DOP1A: variants seen among roughly 807,000 people sequenced by gnomAD.
DOP1A encodes protein DOP1A.
A neutral mutation model predicts 267.6 loss-of-function variants in DOP1A; 90 were observed. The observed-to-expected ratio is 0.34, with a 90% CI of 0.28 to 0.40. The LOEUF is 0.40. Ranked by LOEUF, DOP1A falls within the 10% of genes least tolerant of loss-of-function variation. The probability of loss-of-function intolerance (pLI) is 1.00; values close to 1 mark genes in which losing one functional copy is unlikely to be tolerated. For synonymous variants in DOP1A, 932 were observed against 999.1 expected, an observed-to-expected ratio of 0.93 and a Z score of 1.27; for missense variants, 2,437 against 2,900.4, an observed-to-expected ratio of 0.84 and a Z score of 3.67.
chr6:83,082,674 A>G (rs531371820), intron 1 of DOP1A, among the ~76,000 whole-genome samples: 1 of 152,328 alleles, frequency 6.6e-6, no homozygotes, highest in Admixed American at 6.5e-5. Context: ...AATGACAACT[A>G]TTTGAGGCAA....
In DOP1A at chr6:83,167,845, CTTT is replaced by C. The variant is rs1338490974; in HGVS notation, c.7093-14_7093-12del. The C allele has an allele frequency of 1.3e-6, 2 of 1,592,838 alleles. No homozygotes were observed. Among genetic ancestry groups the C allele is most frequent in the African/African-American group, 2.7e-5 (2 of 74,068 alleles). On this transcript the variant is annotated splice_polypyrimidine_tract_variant and intron_variant, in intron 38 of 38. Coordinates refer to ENST00000349129, the MANE Select transcript of DOP1A (RefSeq NM_015018.4). ...TGTCTGTTGTATTAATACCAGTTCA[CTTT>C]TTGTTTTCTGCAGAAAAATCCAGAG...
At chr6:83,090,670 A>G (rs1385729776) in intron 1 of DOP1A, among the ~76,000 whole-genome samples, 1 of 152,212 alleles carries the variant, frequency 6.6e-6, no homozygotes, top group Non-Finnish European at 1.5e-5. Flanking sequence ...ATGATTTTAT[A>G]TTTTAGAAAA....
intron 1 of DOP1A, among the ~76,000 whole-genome samples, chr6:83,071,848 A>G (rs867717930): frequency 6.6e-6 from 1 of 152,242 alleles, no homozygotes; most frequent in Non-Finnish European, 1.5e-5. Flanking sequence ...TAAACATTTG[A>G]ATCTAAAATC....
chr6:83,114,175 TATTC>T (rs144764484), intron 7 of DOP1A, among the ~76,000 whole-genome samples: 4,324 of 152,296 alleles, frequency 0.028, 150 homozygotes, highest in East Asian at 0.083. Flanking sequence ...GCCAATTTTT[TATTC>T]ATTATTTTAT....
chr6:83,125,078 A>G, intron 13 of DOP1A, 88 bp from the exon 14 acceptor site: 1 of 1,195,948 alleles, frequency 8.4e-7, no homozygotes, highest in Non-Finnish European at 1.2e-6. Flanking sequence ...CTGCATTTAT[A>G]TTAATATTAT....
At chr6:83,114,659 T>G (rs952681889) in intron 7 of DOP1A, among the ~76,000 whole-genome samples, 3 of 152,198 alleles carry the variant, frequency 2.0e-5, no homozygotes, top group Non-Finnish European at 4.4e-5. Flanking sequence ...TCTGAGGAAT[T>G]AAGTCATAGT....
At chr6:83,110,754 T>C (rs1003072890) in intron 6 of DOP1A, among the ~76,000 whole-genome samples, 1 of 152,204 alleles carries the variant, frequency 6.6e-6, no homozygotes, top group Non-Finnish European at 1.5e-5. Context: ...TAAAAAACCC[T>C]CAAGGATCAT....
chr6:83,168,238 G>T lies in DOP1A; in HGVS notation c.*71G>T. On this transcript the variant is annotated 3_prime_UTR_variant, in exon 39 of 39. Coordinates refer to ENST00000349129, the MANE Select transcript of DOP1A (RefSeq NM_015018.4). ...TAAAACACACACACTGCTCTGCGTT[G>T]TATAGTTTTTCCTTTTTTGTATGTA... 6.7e-7 allele frequency: 1 copy of T among 1,494,340 alleles called. No individual in the cohort carries two copies. Among genetic ancestry groups the T allele is most frequent in the Non-Finnish European group, 8.8e-7 (1 of 1,130,110 alleles). The allele number at this position is 1,494,340 out of a possible 1,614,324, so 92.6% of individuals were successfully genotyped here.
At position 83,140,059 on chromosome 6, in the gene DOP1A, T is replaced by C; in HGVS notation, c.5180T>C (p.Ile1727Thr). Residue 1727 changes from isoleucine to threonine, a missense_variant, in exon 22 of 39, where the codon ATT becomes ACT. Transcript: ENST00000349129. ...ATGATTCTTACTCTTTTGGAAGGGA[T>C]TACAGCCATTATCCATTACTGTTTG... Reference protein sequence around the residue: ...PDMILTLLEGITAIIHYCLLD... With the variant: ...PDMILTLLEGTTAIIHYCLLD... The C allele has an allele frequency of 6.2e-7, 1 of 1,613,738 alleles. No homozygotes were observed. The highest frequency in any genetic ancestry group is 1.7e-5 in the Admixed American group (1 of 59,998).
chr6:83,159,508 C>T (rs559709828), intron 36 of DOP1A, among the ~76,000 whole-genome samples: 5 of 151,698 alleles, frequency 3.3e-5, no homozygotes, highest in African/African-American at 9.7e-5. Context: ...CCAGGCTGGT[C>T]TCAAATTCCT....
chr6:83,164,932 G>A, intron 38 of DOP1A: 1 of 465,932 alleles, frequency 2.1e-6, no homozygotes, highest in Non-Finnish European at 3.8e-6. Flanking sequence ...TTCTGATTAA[G>A]AGCATCAGAA....
intron 23 of DOP1A, among the ~76,000 whole-genome samples, chr6:83,140,821 C>T (rs767661197): frequency 6.6e-6 from 1 of 151,970 alleles, no homozygotes; most frequent in Non-Finnish European, 1.5e-5. Context: ...TAGCTTCTTT[C>T]ACGTGACATA....
chr6:83,099,506 G>A (rs1160392182), intron 3 of DOP1A, among the ~76,000 whole-genome samples: 1 of 151,936 alleles, frequency 6.6e-6, no homozygotes, highest in African/African-American at 2.4e-5. Context: ...CTTTTTAAAG[G>A]CAAGTCATTA....
intron 4 of DOP1A, 107 bp downstream of exon 4, chr6:83,100,993 A>G: frequency 1.8e-5 from 12 of 664,938 alleles, no homozygotes; most frequent in Non-Finnish European, 2.4e-5. Context: ...CTCCTTAGTG[A>G]TTAGAAGTTT....
Position 83,153,982 on chromosome 6 carries a change from G to T in DOP1A, c.6328G>T (p.Glu2110Ter). ...YQYTRRAWKKEAFDLFMDPSF... is the reference protein window; with the variant it reads ...YQYTRRAWKK ...GTACACACGGAGAGCTTGGAAAAAA[G>T]AAGCTTTTGACCTCTTTATGGATCC... Residue 2110 changes from glutamate to a stop codon, truncating the protein, a stop_gained, in exon 32 of 39, where the codon GAA becomes TAA. Coordinates refer to ENST00000349129, the MANE Select transcript of DOP1A (RefSeq NM_015018.4). LOFTEE classifies it high-confidence loss of function. 6.2e-7 allele frequency: 1 copy of T among 1,614,068 alleles called. No homozygotes were observed. Among genetic ancestry groups the T allele is most frequent in the Non-Finnish European group, 8.5e-7 (1 of 1,179,986 alleles).
chr6:83,142,130 G>A (rs1036055256), intron 24 of DOP1A, 84 bp downstream of exon 24: 21 of 1,495,770 alleles, frequency 1.4e-5, no homozygotes, highest in South Asian at 3.8e-5. Flanking sequence ...ATTGCAGTGG[G>A]GCCGGGGTAG....
chr6:83,144,165 A>G (rs1780094030), intron 24 of DOP1A, among the ~76,000 whole-genome samples: 1 of 152,166 alleles, frequency 6.6e-6, no homozygotes, highest in African/African-American at 2.4e-5. Context: ...GGAAGATGTA[A>G]CTCCACCGGA....
At position 83,114,155 on chromosome 6, in the gene DOP1A, A is replaced by G. The variant is rs1046600488; in HGVS notation, c.780+734A>G. Among the ~76,000 whole-genome samples, 118 of 152,070 alleles carry G rather than the reference A, an allele frequency of 7.8e-4. 1 individual carries two copies. Among genetic ancestry groups the G allele is most frequent in the Non-Finnish European group, 1.5e-3 (104 of 68,008 alleles). ...TAATAGATAACTGTAGTGAATTTGCATTATGACTGGCCAATTTTTTATTCA... is the reference window on the plus strand; with the variant it reads ...TAATAGATAACTGTAGTGAATTTGCGTTATGACTGGCCAATTTTTTATTCA... On this transcript the variant is annotated intron_variant, in intron 7 of 38. Transcript: ENST00000349129.
In DOP1A at chr6:83,135,760, A is replaced by G. The variant is rs1778779380; in HGVS notation, c.3012A>G (p.Pro1004=). 1.2e-6 allele frequency: 2 copies of G among 1,613,694 alleles called. No homozygotes were observed. Among genetic ancestry groups the G allele is most frequent in the Non-Finnish European group, 1.7e-6 (2 of 1,179,692 alleles). Residue 1004 remains proline, a synonymous_variant, in exon 20 of 39, where the codon CCA becomes CCG. Transcript: ENST00000349129. The stretch of plus-strand genomic sequence containing the variant: ...CATTGCTATTGCTCCTGCTTCATCC[A>G]AAAACTCAGAGGGTTTCAGTACAGC... ...LEPLLLLLLH[P]KTQRVSVQRV...
Sources: gnomAD v4.1 joint callset for allele counts (sites outside exome capture counted in the v4.1 genomes callset) on GRCh38, gnomAD v4.1.1 for gene constraint, MANE v1.5 for transcripts, NCBI Gene and HGNC (gene_info 2026-07-23, HGNC 2026-07-21) for gene names.